Variants in C8A observed in about 807,000 individuals in gnomAD.
C8A encodes the protein complement C8 alpha chain.
C8A carries 67 observed loss-of-function variants against 65.3 expected under a neutral mutation model. That is an observed-to-expected ratio of 1.03 (90% CI 0.84 to 1.26). C8A has a LOEUF of 1.26. C8A is among the 50% of genes most tolerant of loss of function. The pLI, the probability that C8A is intolerant of heterozygous loss-of-function variation, is 0.00. For missense variants in C8A, 781 were observed against 723.9 expected (o/e 1.08, Z -0.90); for synonymous variants, 290 against 259.4 (o/e 1.12, Z -1.13).
chr1:56,891,169 A>G lies in C8A; in HGVS notation c.1096+5002A>G, dbSNP rs187900068. 2.4e-3 allele frequency among the ~76,000 whole-genome samples: 371 copies of G among 152,192 alleles called. 3 individuals are homozygous for G. The highest frequency in any genetic ancestry group is 8.6e-3 in the African/African-American group (359 of 41,520). On this transcript the variant is annotated intron_variant, in intron 7 of 10. Coordinates refer to ENST00000361249, the MANE Select transcript of C8A (RefSeq NM_000562.3). ...TGTCTGTTTGAGGAAGTGAAATCCAAACTGAGATGAGATCCAAAGGATAAG... is the reference window on the plus strand; with the variant it reads ...TGTCTGTTTGAGGAAGTGAAATCCAGACTGAGATGAGATCCAAAGGATAAG...
intron 1 of C8A, among the ~76,000 whole-genome samples, chr1:56,857,375 A>G (rs1183753679): frequency 1.3e-5 from 2 of 151,752 alleles, no homozygotes; most frequent in African/African-American, 4.8e-5. Context: ...TTTTATTATC[A>G]TGAAAGGCTT....
chr1:56,873,524 C>T (rs1644168002), intron 2 of C8A, among the ~76,000 whole-genome samples: 5 of 152,138 alleles, frequency 3.3e-5, no homozygotes, highest in Admixed American at 3.3e-4. Context: ...GGATATTAGT[C>T]ACTATAATTA....
chr1:56,890,291 G>A (rs947050561), intron 7 of C8A, among the ~76,000 whole-genome samples: 3 of 151,946 alleles, frequency 2.0e-5, no homozygotes, highest in Non-Finnish European at 4.4e-5. Context: ...TGTGAAACCC[G>A]CTCTGATATT....
At chr1:56,878,259 T>C (rs1200045571) in intron 4 of C8A, among the ~76,000 whole-genome samples, 1 of 152,176 alleles carries the variant, frequency 6.6e-6, no homozygotes, top group Non-Finnish European at 1.5e-5. Context: ...TCTCCAAATA[T>C]ACTCACACTC....
chr1:56,867,917 G>A (rs749840074), intron 2 of C8A, among the ~76,000 whole-genome samples: 12 of 152,230 alleles, frequency 7.9e-5, no homozygotes, highest in East Asian at 1.9e-4. Context: ...TGCAAAAGAT[G>A]TATGTTATGG....
rs1339143950 is a variant in C8A at position 56,917,553 on chromosome 1, T to C, written c.1604-12T>C. 2.5e-6 allele frequency: 4 copies of C among 1,614,056 alleles called. No individual in the cohort carries two copies. The highest frequency in any genetic ancestry group is 3.4e-6 in the Non-Finnish European group (4 of 1,179,976). On this transcript the variant is annotated splice_polypyrimidine_tract_variant and intron_variant, in intron 10 of 10. Coordinates refer to ENST00000361249, the MANE Select transcript of C8A (RefSeq NM_000562.3). ...TGCTAACCTTCTCCTCCCTGGGAAATTTCCTCTGCAGGAGCCAAAGCAGAT... is the reference window on the plus strand; with the variant it reads ...TGCTAACCTTCTCCTCCCTGGGAAACTTCCTCTGCAGGAGCCAAAGCAGAT...
At chr1:56,882,036 A>C (rs77604905) in intron 5 of C8A, among the ~76,000 whole-genome samples, 2,860 of 152,230 alleles carry the variant, frequency 0.019, 66 homozygotes, top group East Asian at 0.076. Context: ...GATGAGCAGG[A>C]TTCTGAGACC....
intron 3 of C8A, 100 bp downstream of exon 3, chr1:56,875,193 C>A: frequency 1.5e-6 from 2 of 1,377,040 alleles, no homozygotes; most frequent in Admixed American, 2.0e-5. Context: ...CTGAGCCCTT[C>A]CTCTCGAGGT....
chr1:56,891,785 C>A (rs79158029), intron 7 of C8A, among the ~76,000 whole-genome samples: 1 of 152,036 alleles, frequency 6.6e-6, no homozygotes, highest in African/African-American at 2.4e-5. Flanking sequence ...AAGGTGCCAG[C>A]TTCATGGTAA....
At chr1:56,891,799 C>T (rs1280607349) in intron 7 of C8A, among the ~76,000 whole-genome samples, 3 of 152,040 alleles carry the variant, frequency 2.0e-5, no homozygotes, top group African/African-American at 7.2e-5. Flanking sequence ...ATGGTAAAGA[C>T]ATCCCGCAGG....
chr1:56,874,740 G>T (rs1170308637), intron 2 of C8A, among the ~76,000 whole-genome samples: 1 of 152,186 alleles, frequency 6.6e-6, no homozygotes, highest in Non-Finnish European at 1.5e-5. Context: ...GATGCTTGGA[G>T]GCCCTATTCA....
At chr1:56,893,659 A>T (rs952279461) in intron 7 of C8A, among the ~76,000 whole-genome samples, 2 of 152,204 alleles carry the variant, frequency 1.3e-5, no homozygotes, top group Non-Finnish European at 2.9e-5. Flanking sequence ...CTGTGTAATC[A>T]TGGGCAGATA....
At chr1:56,914,025 G>A (rs925740496) in intron 10 of C8A, among the ~76,000 whole-genome samples, 2 of 152,136 alleles carry the variant, frequency 1.3e-5, no homozygotes, top group African/African-American at 4.8e-5. Flanking sequence ...ACACCTCACC[G>A]GATACTGACA....
Position 56,912,472 on chromosome 1 carries a change from C to G in C8A, c.1450C>G (p.Arg484Gly). ...TCTGGAGGCCAAGCGCCAGAACCTGCGCCGCGCCTTGGACCAGTATCTGAT... is the reference window on the plus strand; with the variant it reads ...TCTGGAGGCCAAGCGCCAGAACCTGGGCCGCGCCTTGGACCAGTATCTGAT... Reference protein sequence around the residue: ...GPLEAKRQNLRRALDQYLMEF... With the variant: ...GPLEAKRQNLGRALDQYLMEF... Residue 484 changes from arginine (R) to glycine (G), a missense_variant, in exon 10 of 11, where the codon CGC (arginine) becomes GGC (glycine). By Grantham distance (125) the Arg-to-Gly change is moderately radical. Coordinates refer to ENST00000361249, the MANE Select transcript of C8A (RefSeq NM_000562.3). 1 of 1,614,206 alleles carries G rather than the reference C, an allele frequency of 6.2e-7. No homozygotes were observed. Among genetic ancestry groups the G allele is most frequent in the South Asian group, 1.1e-5 (1 of 91,078 alleles).
intron 3 of C8A, 38 bp from the exon 4 acceptor site, chr1:56,876,024 G>C: frequency 6.2e-7 from 1 of 1,607,258 alleles, no homozygotes; most frequent in South Asian, 1.1e-5. Context: ...TGGAGGGAGA[G>C]GGGAACCCGA....
At chr1:56,906,600 T>C (rs548183117) in intron 7 of C8A, 67 bp from the exon 8 acceptor site, 4 of 1,591,272 alleles carry the variant, frequency 2.5e-6, no homozygotes, top group Middle Eastern at 1.7e-4. Context: ...TACTCTGACA[T>C]AGTTGTACCA....
chr1:56,908,433 T>C (rs1324193926), intron 9 of C8A, among the ~76,000 whole-genome samples: 1 of 152,226 alleles, frequency 6.6e-6, no homozygotes. Context: ...AAAAATCACA[T>C]GGGCTAAATT....
In C8A at chr1:56,908,003, C is replaced by A. The variant is rs140856114; in HGVS notation, c.1270C>A (p.Arg424=). The A allele has an allele frequency of 1.2e-6, 2 of 1,614,106 alleles. No individual in the cohort carries two copies. The highest frequency in any genetic ancestry group is 1.7e-6 in the Non-Finnish European group (2 of 1,180,020). The change falls in exon 9 of 11, where the codon CGA becomes AGA. Residue 424 remains arginine (R), a synonymous_variant. Coordinates refer to ENST00000361249, the MANE Select transcript of C8A (RefSeq NM_000562.3). ...TGTGGAAGACATTATTTCTCGGGTG[C>A]GAGGTGGCAGTTCTGGCTGGAGCGG... The part of the protein sequence containing the change: ...MAVEDIISRV[R]GGSSGWSGGL...
chr1:56,912,476 G>T lies in C8A; in HGVS notation c.1454G>T (p.Arg485Leu), dbSNP rs1620075. 0.062 allele frequency: 100,107 copies of T among 1,614,080 alleles called. 4,764 individuals carry two copies. The highest frequency in any genetic ancestry group is 0.22 in the African/African-American group (16,571 of 74,976). The change falls in exon 10 of 11, where the codon CGC becomes CTC. Residue 485 changes from arginine (R) to leucine (L), a missense_variant. Transcript: ENST00000361249. ...GAGGCCAAGCGCCAGAACCTGCGCCGCGCCTTGGACCAGTATCTGATGGAA... is the reference window on the plus strand; with the variant it reads ...GAGGCCAAGCGCCAGAACCTGCGCCTCGCCTTGGACCAGTATCTGATGGAA... Reference protein sequence around the residue: ...PLEAKRQNLRRALDQYLMEFN... With the variant: ...PLEAKRQNLRLALDQYLMEFN...
Sources: allele counts gnomAD v4.1 joint callset (sites outside exome capture counted in the v4.1 genomes callset), GRCh38; gene constraint gnomAD v4.1.1; transcripts MANE v1.5; gene names NCBI Gene and HGNC (gene_info 2026-07-23, HGNC 2026-07-21).